SYNPR: variants seen among roughly 807,000 people sequenced by gnomAD.
The protein encoded by SYNPR is synaptoporin.
In SYNPR, 23 loss-of-function variants were observed where a neutral mutation model predicts 32.9. The ratio of observed to expected loss-of-function variants is 0.70; its 90% CI spans 0.50 to 0.99. The LOEUF is 0.99. Among genes scored for constraint, SYNPR ranks in the 50% least tolerant of loss-of-function variants. The probability of loss-of-function intolerance (pLI) is 0.00; values close to 1 mark genes in which losing one functional copy is unlikely to be tolerated. For missense variants in SYNPR, 318 were observed against 349.3 expected, an observed-to-expected ratio of 0.91 and a Z score of 0.71; for synonymous variants, 146 against 135.9, an observed-to-expected ratio of 1.07 and a Z score of -0.52.
In SYNPR at chr3:63,305,180, C is replaced by A. The variant is rs187768544; in HGVS notation, c.84+26438C>A. Among the ~76,000 whole-genome samples the A allele has an allele frequency of 1.2e-4, 19 of 152,050 alleles. 1 individual carries two copies. In the Middle Eastern group the frequency reaches 0.01, roughly 82 times the overall value. ...GGCAATAGCCAGGGAGGGAATGAGC[C>A]TATGTACAATCTCATGAGTGACCTT... On this transcript the variant is annotated intron_variant, in intron 2 of 5. Coordinates refer to ENST00000478300, the MANE Select transcript of SYNPR (RefSeq NM_001130003.2).
chr3:63,612,150 G>C lies in SYNPR; in HGVS notation c.600+2834G>C, dbSNP rs147366758. The stretch of plus-strand genomic sequence containing the variant: ...GCTAAGGTAAACTCTCTAATCCTTA[G>C]TTTTATCATCTGTAAAGTGGGGATA... On this transcript the variant is annotated intron_variant, in intron 5 of 5. Transcript: ENST00000478300. Among the ~76,000 whole-genome samples the C allele has an allele frequency of 6.0e-4, 92 of 152,244 alleles. No homozygotes were observed. In the East Asian group the frequency reaches 0.012, roughly 19 times the overall value.
At chr3:63,270,922 CTTCT>C (rs1560174569) in intron 3 of SYNPR, among the ~76,000 whole-genome samples, 1 of 58,844 alleles carries the variant, frequency 1.7e-5, no homozygotes, top group East Asian at 2.9e-4. Flanking sequence ...TCCTTCCTTC[CTTCT>C]TTCTTTCCTT....
At position 63,340,408 on chromosome 3, in the gene SYNPR, A is replaced by T. The variant is rs570342714; in HGVS notation, c.84+61666A>T. On this transcript the variant is annotated intron_variant, in intron 2 of 5. Transcript: ENST00000478300. ...CACCACCTAGATTCTACCATTAATTAAAAAAAATGTATTTTTTTTTTTTTT... is the reference window on the plus strand; with the variant it reads ...CACCACCTAGATTCTACCATTAATTTAAAAAAATGTATTTTTTTTTTTTTT... Among the ~76,000 whole-genome samples the T allele has an allele frequency of 1.6e-3, 221 of 142,182 alleles. 1 individual carries two copies. The highest frequency in any genetic ancestry group is 0.011 in the Middle Eastern group (3 of 278). The allele number at this position is 142,182 out of a possible 152,430, so 93.3% of individuals were successfully genotyped here.
chr3:63,399,787 C>A (rs2088265035), intron 2 of SYNPR, among the ~76,000 whole-genome samples: 1 of 152,202 alleles, frequency 6.6e-6, no homozygotes, highest in South Asian at 2.1e-4. Context: ...TAGCTCCTCC[C>A]ACTGACGCAT....
chr3:63,399,639 CA>C, intron 2 of SYNPR, among the ~76,000 whole-genome samples: 1 of 152,168 alleles, frequency 6.6e-6, no homozygotes, highest in East Asian at 1.9e-4. Flanking sequence ...GGTTAGGTTT[CA>C]ATATATGAAT....
intron 4 of SYNPR, among the ~76,000 whole-genome samples, chr3:63,595,719 A>T (rs79504394): frequency 0.027 from 175 of 6,542 alleles, 3 homozygotes; most frequent in South Asian, 0.1. Flanking sequence ...ATCTTATTTT[A>T]TATATATATA....
intron 2 of SYNPR, among the ~76,000 whole-genome samples, chr3:63,476,003 C>T (rs750117258): frequency 4.6e-5 from 7 of 150,808 alleles, no homozygotes; most frequent in Non-Finnish European, 1.0e-4. Context: ...AATTCTTCCA[C>T]CCCACCAAGC....
intron 5 of SYNPR, chr3:63,610,444 T>G: frequency 1.5e-6 from 1 of 687,308 alleles, no homozygotes; most frequent in Non-Finnish European, 2.7e-6. Flanking sequence ...ATAATTATCT[T>G]TGCTTCAAGA....
intron 2 of SYNPR, among the ~76,000 whole-genome samples, chr3:63,426,213 C>G (rs971189374): frequency 1.3e-5 from 2 of 152,068 alleles, no homozygotes; most frequent in Admixed American, 1.3e-4. Context: ...AGGTTATATG[C>G]CTGTAAGTGG....
the SYNPR span, among the ~76,000 whole-genome samples, chr3:63,221,848 A>C: frequency 6.6e-6 from 1 of 152,020 alleles, no homozygotes; most frequent in African/African-American, 2.4e-5. Flanking sequence ...TTTATACCAC[A>C]AGGAGCTATA....
chr3:63,473,623 C>T (rs75944345), intron 2 of SYNPR, among the ~76,000 whole-genome samples: 2,450 of 152,080 alleles, frequency 0.016, 63 homozygotes, highest in African/African-American at 0.056. Context: ...TAATGGGAGC[C>T]GAGGTGGGTG....
chr3:63,434,328 G>T (rs1523444), intron 2 of SYNPR, among the ~76,000 whole-genome samples: 321 of 152,264 alleles, frequency 2.1e-3, no homozygotes, highest in African/African-American at 7.3e-3. Context: ...CATTTCACTT[G>T]TGTCATTGTA....
chr3:63,502,378 AACCT>A (rs1400678524), intron 3 of SYNPR, among the ~76,000 whole-genome samples: 1 of 151,974 alleles, frequency 6.6e-6, no homozygotes, highest in African/African-American at 2.4e-5. Flanking sequence ...AAAACTGATG[AACCT>A]ACACTGACAC....
rs1436332707 is a variant in SYNPR, at chr3:63,609,127, C to T, written c.411C>T (p.Asp137=). The T allele has an allele frequency of 2.5e-6, 4 of 1,602,646 alleles. No homozygotes were observed. The highest frequency in any genetic ancestry group is 3.4e-6 in the Non-Finnish European group (4 of 1,174,784). ...TCTATTCTGATTTGTTTCTGTAGGA[C>T]TTCATTGTCACTGTAGTCTTTTCGT... ...YRENNRGPLI[D]FIVTVVFSFL... The change falls in exon 5 of 6, where the codon GAC becomes GAT. Residue 137 remains aspartate, a splice_region_variant and synonymous_variant. Coordinates refer to ENST00000478300, the MANE Select transcript of SYNPR (RefSeq NM_001130003.2).
At chr3:63,564,059 C>G (rs1052268351) in intron 4 of SYNPR, among the ~76,000 whole-genome samples, 8 of 151,544 alleles carry the variant, frequency 5.3e-5, no homozygotes, top group African/African-American at 1.5e-4. Context: ...AAGTTCTACC[C>G]CAGGAACAGT....
At chr3:63,568,034 C>A (rs1023031655) in intron 4 of SYNPR, among the ~76,000 whole-genome samples, 1 of 152,062 alleles carries the variant, frequency 6.6e-6, no homozygotes, top group African/African-American at 2.4e-5. Context: ...AGACTATTGA[C>A]AATCTAGAAA....
At chr3:63,249,844 G>T (rs1447935832) in intron 1 of SYNPR, among the ~76,000 whole-genome samples, 1 of 151,998 alleles carries the variant, frequency 6.6e-6, no homozygotes, top group Non-Finnish European at 1.5e-5. Flanking sequence ...TATATTGATT[G>T]CATGCCTTGC....
At chr3:63,211,225 A>C in the SYNPR span, among the ~76,000 whole-genome samples, 6 of 151,922 alleles carry the variant, frequency 3.9e-5, no homozygotes, top group Non-Finnish European at 4.4e-5. Context: ...CCGCCACCAC[A>C]CCTGGCTAAT....
rs189720313 is a variant in SYNPR at position 63,466,821 on chromosome 3, T to C, written c.85-14011T>C. On this transcript the variant is annotated intron_variant, in intron 2 of 5. Transcript: ENST00000478300. ...CCTATCAAATCGGGCCTCATCCTTATGACTTCATTTAACTTTAATTACTAC... is the reference window on the plus strand; with the variant it reads ...CCTATCAAATCGGGCCTCATCCTTACGACTTCATTTAACTTTAATTACTAC... 3.8e-3 allele frequency among the ~76,000 whole-genome samples: 533 copies of C among 139,486 alleles called. 2 individuals are homozygous for C. Among genetic ancestry groups the C allele is most frequent in the African/African-American group, 0.016 (494 of 31,044 alleles). The allele number at this position is 139,486 out of a possible 152,430, so 91.5% of individuals were successfully genotyped here. A position where few individuals can be genotyped will look rare whatever the true frequency, so the allele number is the denominator to read the frequency against.
Sources: allele counts gnomAD v4.1 joint callset (sites outside exome capture counted in the v4.1 genomes callset), GRCh38; gene constraint gnomAD v4.1.1; transcripts MANE v1.5; gene names NCBI Gene and HGNC (gene_info 2026-07-23, HGNC 2026-07-21).